Variants in CARS1 observed in about 807,000 individuals in gnomAD.
CARS1 encodes cysteine--tRNA ligase, cytoplasmic.
A neutral mutation model predicts 106.2 loss-of-function variants in CARS1; 48 were observed. The observed-to-expected ratio is 0.45, with a 90% CI of 0.36 to 0.57. CARS1 has a LOEUF of 0.57. Among genes scored for constraint, CARS1 ranks in the 20% least tolerant of loss-of-function variants. The pLI, the probability that CARS1 is intolerant of heterozygous loss-of-function variation, is 0.00. For synonymous variants in CARS1, 409 were observed against 403.4 expected (o/e 1.01, Z -0.17); for missense variants, 968 against 1,057.2 (o/e 0.92, Z 1.17).
chr11:3,027,696 G>C (rs1475410948), intron 9 of CARS1: 1 of 348,350 alleles, frequency 2.9e-6, no homozygotes, highest in African/African-American at 2.1e-5. Flanking sequence ...ATAGTGAGGA[G>C]TGACCAGAAG....
At position 3,040,178 on chromosome 11, in the gene CARS1, C is replaced by T; in HGVS notation, c.456-247G>A. The T allele has an allele frequency of 2.3e-6, 1 of 431,946 alleles. No homozygotes were observed. The highest frequency in any genetic ancestry group is 4.1e-6 in the Non-Finnish European group (1 of 243,950). The allele number at this position is 431,946 out of a possible 1,614,324, so 26.8% of individuals were successfully genotyped here. On this transcript the variant is annotated intron_variant, in intron 4 of 22. Coordinates refer to ENST00000380525, the MANE Select transcript of CARS1 (RefSeq NM_001014437.3). This position sits in a 1 kb window ranked among gnomAD's most constrained non-coding sequence, Gnocchi z 5.8. Reference sequence around the variant, plus strand: ...ATTGCCTCTCCCTTATGATTTTCTTCATAATATTTTCTTTTCTCTGGCTTC... The same window carrying T: ...ATTGCCTCTCCCTTATGATTTTCTTTATAATATTTTCTTTTCTCTGGCTTC...
intron 18 of CARS1, 104 bp downstream of exon 18, chr11:3,012,091 G>T (rs1230589030): frequency 5.6e-6 from 6 of 1,069,740 alleles, no homozygotes; most frequent in Non-Finnish European, 8.6e-6. Context: ...CCTTCCCAGA[G>T]GATGATCCGG....
At chr11:3,012,727 G>A (rs78195115) in intron 17 of CARS1, among the ~76,000 whole-genome samples, 15,386 of 152,172 alleles carry the variant, frequency 0.1, 1,151 homozygotes, top group Non-Finnish European at 0.14. Context: ...CCGTGCTTTC[G>A]TCTGATCTGT....
At chr11:3,049,708 G>C (rs1855463959) in intron 1 of CARS1, among the ~76,000 whole-genome samples, 1 of 152,194 alleles carries the variant, frequency 6.6e-6, no homozygotes, top group Non-Finnish European at 1.5e-5. Flanking sequence ...CTGGGCACAG[G>C]CTGCCCGACA....
rs397919 is a variant in CARS1 at position 3,041,864 on chromosome 11, A to C, written c.366+301T>G. On this transcript the variant is annotated intron_variant, in intron 3 of 22. Coordinates refer to ENST00000380525, the MANE Select transcript of CARS1 (RefSeq NM_001014437.3). The surrounding 1 kb of genome is among the most constrained non-coding windows in gnomAD (Gnocchi z 4.9). ...GAAAGGCGTGGCTGTGGATGACCTC[A>C]AGTACTCATGGTTGGGCAGAGTCCG... Among the ~76,000 whole-genome samples, 50,071 of 152,042 alleles carry C rather than the reference A, an allele frequency of 0.33. 10,318 individuals carry two copies. The highest frequency in any genetic ancestry group is 0.66 in the East Asian group (3,396 of 5,156).
In CARS1 at chr11:3,037,008, T is replaced by TA. The variant is rs80157407; in HGVS notation, c.801+1041dup. Among the ~76,000 whole-genome samples, 2,390 of 143,454 alleles carry TA rather than the reference T, an allele frequency of 0.017. 20 individuals are homozygous for TA. Among genetic ancestry groups the TA allele is most frequent in the Middle Eastern group, 0.043 (12 of 280 alleles). 94.1% of individuals were successfully genotyped at this position (143,454 alleles called of 152,430 possible). A position where few individuals can be genotyped will look rare whatever the true frequency, so the allele number is the denominator to read the frequency against. On this transcript the variant is annotated intron_variant, in intron 7 of 22. Transcript: ENST00000380525. This position sits in a 1 kb window ranked among gnomAD's most constrained non-coding sequence, Gnocchi z 5.9. Reference sequence around the variant, plus strand: ...CTTATGATGTGTGTTTTACCACAATTAAAAAAAAAAAAAGAATATTAGTGG... The same window carrying TA: ...CTTATGATGTGTGTTTTACCACAATTAAAAAAAAAAAAAAGAATATTAGTGG...
Position 3,027,687 on chromosome 11 carries a change from T to C in CARS1, c.1032-890A>G, listed in dbSNP as rs568203770. On this transcript the variant is annotated intron_variant, in intron 9 of 22. Transcript: ENST00000380525. ...TACAGAGATAGCAGCTGAGGGGACA[T>C]AGTGAGGAGTGACCAGAAGACAAGA... 553 of 301,130 alleles carry C rather than the reference T, an allele frequency of 1.8e-3. 12 individuals carry two copies. The highest frequency in any genetic ancestry group is 0.015 in the South Asian group (530 of 36,516). The allele number at this position is 301,130 out of a possible 1,614,324, so 18.7% of individuals were successfully genotyped here.
rs145065703 is a variant in CARS1, at chr11:3,004,775, G to A, written c.2217+591C>T. Among the ~76,000 whole-genome samples, 1,783 of 152,236 alleles carry A rather than the reference G, an allele frequency of 0.012. 16 individuals carry two copies. The highest frequency in any genetic ancestry group is 0.019 in the Non-Finnish European group (1,322 of 68,006). Reference sequence around the variant, plus strand: ...AGGTGGAGATGCATCAGTGACACGCGCCACTCAGGTGAGGGCACGGTGGGA... The same window carrying A: ...AGGTGGAGATGCATCAGTGACACGCACCACTCAGGTGAGGGCACGGTGGGA... On this transcript the variant is annotated intron_variant, in intron 20 of 22. Coordinates refer to ENST00000380525, the MANE Select transcript of CARS1 (RefSeq NM_001014437.3). The surrounding 1 kb of genome is among the most constrained non-coding windows in gnomAD (Gnocchi z 5.2).
rs1163736076 is a variant in CARS1 at position 3,003,917 on chromosome 11, AG to A, written c.2218-1318del. 6.6e-6 allele frequency among the ~76,000 whole-genome samples: 1 copy of A among 152,194 alleles called. No homozygotes were observed. Among genetic ancestry groups the A allele is most frequent in the African/African-American group, 2.4e-5 (1 of 41,444 alleles). On this transcript the variant is annotated intron_variant, in intron 20 of 22. Coordinates refer to ENST00000380525, the MANE Select transcript of CARS1 (RefSeq NM_001014437.3). This position sits in a 1 kb window ranked among gnomAD's most constrained non-coding sequence, Gnocchi z 4.8. ...GGAAACAGGAGCTACTAGAAGTCAC[AG>A]GCCACAGCCAAGGTGGCCAGTGGAA...
In CARS1 at chr11:3,029,115, T is replaced by C. The variant is rs199952040; in HGVS notation, c.943-31A>G. 6.4e-6 allele frequency: 10 copies of C among 1,570,590 alleles called. No homozygotes were observed. The African/African-American group carries it at 1.1e-4, about 17-fold the overall frequency. On this transcript the variant is annotated intron_variant, in intron 8 of 22. Coordinates refer to ENST00000380525, the MANE Select transcript of CARS1 (RefSeq NM_001014437.3). The surrounding 1 kb of genome is among the most constrained non-coding windows in gnomAD (Gnocchi z 5.9). ...CAAGACATGAGAATGTCCTGGGATT[T>C]TCCCTTCTGAAAACCACGCGCTCCA...
At chr11:3,016,564 C>T (rs557264920) in intron 16 of CARS1, among the ~76,000 whole-genome samples, 2 of 152,022 alleles carry the variant, frequency 1.3e-5, no homozygotes, top group Admixed American at 6.5e-5. Flanking sequence ...TAGAGGGAAA[C>T]GGAGTCAAAG....
intron 21 of CARS1, 145 bp downstream of exon 21, chr11:3,002,396 G>T: frequency 1.4e-6 from 2 of 1,458,412 alleles, no homozygotes; most frequent in Non-Finnish European, 1.8e-6. Context: ...CAGGCCTTGG[G>T]TGGTGGAGGC....
Position 3,038,018 on chromosome 11 carries a change from A to G in CARS1, c.801+32T>C, listed in dbSNP as rs1367990100. 1 of 1,597,720 alleles carries G rather than the reference A, an allele frequency of 6.3e-7. No homozygotes were observed. On this transcript the variant is annotated intron_variant, in intron 7 of 22. Coordinates refer to ENST00000380525, the MANE Select transcript of CARS1 (RefSeq NM_001014437.3). This position sits in a 1 kb window ranked among gnomAD's most constrained non-coding sequence, Gnocchi z 4.0. ...ATGCACGGCCCGACATTTGACCCGA[A>G]CGGGCTGTCTGGGAGATGTGTGAAG... is the stretch of plus-strand genomic sequence containing the variant.
chr11:3,023,108 G>A (rs1240219344), intron 10 of CARS1, among the ~76,000 whole-genome samples: 2 of 151,980 alleles, frequency 1.3e-5, no homozygotes, highest in South Asian at 4.1e-4. Context: ...AAGAATAAAT[G>A]GTATTTAAGA....
chr11:3,001,728 G>C (rs1849418342), intron 22 of CARS1, among the ~76,000 whole-genome samples: 1 of 152,212 alleles, frequency 6.6e-6, no homozygotes. Flanking sequence ...CCCAGGGCTA[G>C]GGACCAGAGC....
chr11:3,046,653 C>G lies in CARS1; in HGVS notation c.274+1100G>C, dbSNP rs1400400995. On this transcript the variant is annotated intron_variant, in intron 2 of 22. Transcript: ENST00000380525. The surrounding 1 kb of genome is among the most constrained non-coding windows in gnomAD (Gnocchi z 5.8). ...AGGCGGGGGGGCATGTTCCCAATCC[C>G]AGGCCCCAACGGAGTCTGGAGAAGC... is the stretch of plus-strand genomic sequence containing the variant. 6.6e-6 allele frequency among the ~76,000 whole-genome samples: 1 copy of G among 152,208 alleles called. No individual in the cohort carries two copies. Among genetic ancestry groups the G allele is most frequent in the East Asian group, 1.9e-4 (1 of 5,198 alleles).
In CARS1 at chr11:3,004,485, C is replaced by T. The variant is rs1461147694; in HGVS notation, c.2217+881G>A. Among the ~76,000 whole-genome samples the T allele has an allele frequency of 6.6e-6, 1 of 152,214 alleles. No individual in the cohort carries two copies. The highest frequency in any genetic ancestry group is 2.4e-5 in the African/African-American group (1 of 41,456). Reference sequence around the variant, plus strand: ...CTGTGGCATCCAAACTCGCCCTCCACGGTGGTCTCCTGCTTTAAGCCTCTT... The same window carrying T: ...CTGTGGCATCCAAACTCGCCCTCCATGGTGGTCTCCTGCTTTAAGCCTCTT... On this transcript the variant is annotated intron_variant, in intron 20 of 22. Transcript: ENST00000380525. This position sits in a 1 kb window ranked among gnomAD's most constrained non-coding sequence, Gnocchi z 5.2.
At chr11:3,036,349 C>T (rs576108852) in intron 7 of CARS1, among the ~76,000 whole-genome samples, 2 of 152,296 alleles carry the variant, frequency 1.3e-5, no homozygotes, top group Non-Finnish European at 2.9e-5. Flanking sequence ...CACAACCCAG[C>T]GATTCCACTT....
At position 3,052,096 on chromosome 11, in the gene CARS1, T is replaced by A. The variant is rs1157388922; in HGVS notation, c.26-4095A>T. On this transcript the variant is annotated intron_variant, in intron 1 of 22. Transcript: ENST00000380525. This position sits in a 1 kb window ranked among gnomAD's most constrained non-coding sequence, Gnocchi z 4.6. ...TTTCTGCAGTAAGCATCTGCTATTT[T>A]TAAAATGAGAAAAACATCAAATGTC... Among the ~76,000 whole-genome samples the A allele has an allele frequency of 6.6e-6, 1 of 152,266 alleles. No homozygotes were observed. The highest frequency in any genetic ancestry group is 1.5e-5 in the Non-Finnish European group (1 of 68,046).
Sources: gnomAD v4.1 joint callset for allele counts (sites outside exome capture counted in the v4.1 genomes callset) on GRCh38, gnomAD v4.1.1 for gene constraint, Gnocchi (gnomAD v3.1) non-coding constraint, MANE v1.5 for transcripts, NCBI Gene and HGNC (gene_info 2026-07-23, HGNC 2026-07-21) for gene names.